The following THRB variants were observed in gnomAD, a reference collection of about 807,000 sequenced individuals.
The protein encoded by THRB is nuclear receptor subfamily 1 group A member 2.
In THRB, 12 loss-of-function variants were observed where a neutral mutation model predicts 47.8. That is an observed-to-expected ratio of 0.25 (90% confidence interval 0.16 to 0.41). The LOEUF (loss-of-function observed/expected upper bound fraction) is 0.41. THRB is among the 10% of genes least tolerant of loss of function. THRB has a pLI of 1.00. For synonymous variants in THRB, 218 were observed against 212.2 expected (o/e 1.03, Z -0.24); for missense variants, 348 against 589.2 (o/e 0.59, Z 4.24).
intron 1 of THRB, among the ~76,000 whole-genome samples, chr3:24,482,399 G>A (rs1007817431): frequency 6.6e-6 from 1 of 152,188 alleles, no homozygotes; most frequent in African/African-American, 2.4e-5. Flanking sequence ...ACCATAGCTG[G>A]AAGGTGGCAA....
intron 1 of THRB, among the ~76,000 whole-genome samples, chr3:24,450,380 C>T (rs112667187): frequency 3.8e-4 from 58 of 152,282 alleles, no homozygotes; most frequent in African/African-American, 1.3e-3. Context: ...TATGCCCTGA[C>T]GTTTATTTCC....
chr3:24,423,239 A>T (rs529918917), intron 1 of THRB, among the ~76,000 whole-genome samples: 2 of 151,998 alleles, frequency 1.3e-5, no homozygotes, highest in Non-Finnish European at 2.9e-5. Flanking sequence ...GAATTGTAAG[A>T]AGTAATAAAT....
At chr3:24,201,838 G>A (rs540497944) in intron 4 of THRB, among the ~76,000 whole-genome samples, 13 of 151,432 alleles carry the variant, frequency 8.6e-5, no homozygotes, top group Admixed American at 2.0e-4. Context: ...TTTTTTTGTC[G>A]GTTTCTCCTC....
chr3:24,241,746 T>C (rs2049532963), intron 3 of THRB, among the ~76,000 whole-genome samples: 1 of 152,134 alleles, frequency 6.6e-6, no homozygotes, highest in East Asian at 1.9e-4. Flanking sequence ...TCTCAAAGTA[T>C]GCAGGCAGCA....
intron 3 of THRB, among the ~76,000 whole-genome samples, chr3:24,249,077 T>G (rs1047769900): frequency 1.2e-4 from 18 of 152,202 alleles, no homozygotes; most frequent in African/African-American, 4.1e-4. Flanking sequence ...AACAACACCG[T>G]TGACTTAATG....
chr3:24,281,864 C>G (rs1277341764), intron 3 of THRB, among the ~76,000 whole-genome samples: 6 of 151,622 alleles, frequency 4.0e-5, no homozygotes, highest in Middle Eastern at 3.4e-3. Flanking sequence ...GTAAAGGGAT[C>G]AATTCAACAA....
At chr3:24,409,861 A>T (rs1479959496) in intron 1 of THRB, among the ~76,000 whole-genome samples, 1 of 151,848 alleles carries the variant, frequency 6.6e-6, no homozygotes, top group Non-Finnish European at 1.5e-5. Flanking sequence ...GAAACAGTCC[A>T]TGGAAATATC....
chr3:24,444,839 G>A (rs1264255387), intron 1 of THRB, among the ~76,000 whole-genome samples: 3 of 152,062 alleles, frequency 2.0e-5, no homozygotes, highest in Admixed American at 6.6e-5. Context: ...CTTCCTCAGC[G>A]TCCCAAAGTG....
intron 5 of THRB, among the ~76,000 whole-genome samples, chr3:24,166,540 A>G (rs2149302301): frequency 6.6e-6 from 1 of 152,322 alleles, no homozygotes; most frequent in Non-Finnish European, 1.5e-5. Context: ...ATACCAAATT[A>G]GATTGTGAAT....
intron 1 of THRB, among the ~76,000 whole-genome samples, chr3:24,452,967 ATC>A (rs71057675): frequency 0.96 from 145,947 of 152,098 alleles, 70,235 homozygotes; most frequent in Non-Finnish European, 1. Context: ...GAAGCCCGAC[ATC>A]TCTCCACTCA....
At chr3:24,261,447 G>A (rs951738765) in intron 3 of THRB, among the ~76,000 whole-genome samples, 3 of 146,662 alleles carry the variant, frequency 2.0e-5, no homozygotes, top group East Asian at 2.0e-4. Context: ...TGCAGTGAGC[G>A]GAGATCGTGC....
chr3:24,286,681 T>C (rs1480489743), intron 3 of THRB, among the ~76,000 whole-genome samples: 1 of 152,190 alleles, frequency 6.6e-6, no homozygotes, highest in Non-Finnish European at 1.5e-5. Context: ...ATGTTGAAAC[T>C]CAGTTTCAAA....
chr3:24,248,151 A>T (rs559003421), intron 3 of THRB, among the ~76,000 whole-genome samples: 3 of 152,254 alleles, frequency 2.0e-5, no homozygotes, highest in African/African-American at 7.2e-5. Flanking sequence ...TTAGGATATT[A>T]TTCCTATTAC....
At chr3:24,125,286 A>T (rs2032534529) in intron 10 of THRB, among the ~76,000 whole-genome samples, 1 of 152,184 alleles carries the variant, frequency 6.6e-6, no homozygotes, top group African/African-American at 2.4e-5. Context: ...CTTTGTTAAA[A>T]AAGAAGGTAA....
chr3:24,324,705 G>A (rs887785413), intron 2 of THRB, among the ~76,000 whole-genome samples: 1 of 152,106 alleles, frequency 6.6e-6, no homozygotes, highest in Non-Finnish European at 1.5e-5. Context: ...GGCTATAATT[G>A]TAGTCCACAG....
Position 24,133,702 on chromosome 3 carries a change from A to AGAGC in THRB, c.739-241_739-240insGCTC, listed in dbSNP as rs1429004427. 8.1e-5 allele frequency among the ~76,000 whole-genome samples: 12 copies of AGAGC among 148,330 alleles called. No homozygotes were observed. The South Asian group carries it at 2.5e-3, about 31-fold the overall frequency. ...CAGGACTGTTGCTGCAGAAAGAGAGAGAGAGAGAGAGAGAGAGAGATCAGA... is the reference window on the plus strand; with the variant it reads ...CAGGACTGTTGCTGCAGAAAGAGAGAGAGCGAGAGAGAGAGAGAGAGAGATCAGA... On this transcript the variant is annotated intron_variant, in intron 8 of 10. Transcript: ENST00000646209.
chr3:24,390,824 T>A (rs2066514605), intron 1 of THRB, among the ~76,000 whole-genome samples: 1 of 149,490 alleles, frequency 6.7e-6, no homozygotes, highest in Non-Finnish European at 1.5e-5. Flanking sequence ...AATATTATTT[T>A]TAAATTCTTG....
At position 24,254,708 on chromosome 3, in the gene THRB, C is replaced by T. The variant is rs546359824; in HGVS notation, c.-42-25707G>A. Among the ~76,000 whole-genome samples, 215 of 152,146 alleles carry T rather than the reference C, an allele frequency of 1.4e-3. 1 individual carries two copies. The highest frequency in any genetic ancestry group is 2.6e-3 in the Non-Finnish European group (174 of 68,016). ...TTCTAAAGGGCTCAGTTCTTTGGAC[C>T]TGATTGAGTGCTATAAGGCAGTTCA... On this transcript the variant is annotated intron_variant, in intron 3 of 10. Transcript: ENST00000646209.
chr3:24,163,091 T>C (rs1046915392), intron 5 of THRB, among the ~76,000 whole-genome samples: 1 of 152,186 alleles, frequency 6.6e-6, no homozygotes, highest in Non-Finnish European at 1.5e-5. Flanking sequence ...GAGACACTAC[T>C]GATGTCATTC....
Sources: gnomAD v4.1 joint callset for allele counts (sites outside exome capture counted in the v4.1 genomes callset) on GRCh38, gnomAD v4.1.1 for gene constraint, MANE v1.5 for transcripts, NCBI Gene and HGNC (gene_info 2026-07-23, HGNC 2026-07-21) for gene names.